Variants in TMEM266 observed in about 807,000 individuals in gnomAD.
TMEM266 encodes transmembrane protein 266.
A neutral mutation model predicts 50.5 loss-of-function variants in TMEM266; 33 were observed. That is an observed-to-expected ratio of 0.65 (90% CI 0.50 to 0.87). The LOEUF (loss-of-function observed/expected upper bound fraction) is 0.87, where lower values mean the gene tolerates loss of function less well. Among genes scored for constraint, TMEM266 ranks in the 40% least tolerant of loss-of-function variants. The pLI, the probability that TMEM266 is intolerant of heterozygous loss-of-function variation, is 0.00. For missense variants in TMEM266, 655 were observed against 695.1 expected (o/e 0.94, Z 0.65); for synonymous variants, 310 against 292.3 (o/e 1.06, Z -0.62).
chr15:76,195,985 CAGG>C lies in TMEM266; in HGVS notation c.958+3841_958+3843del, dbSNP rs77053594. Among the ~76,000 whole-genome samples, 5 of 152,178 alleles carry C rather than the reference CAGG, an allele frequency of 3.3e-5. No homozygotes were observed. The South Asian group carries it at 8.3e-4, about 25-fold the overall frequency. On this transcript the variant is annotated intron_variant, in intron 9 of 10. Coordinates refer to ENST00000388942, the MANE Select transcript of TMEM266 (RefSeq NM_152335.3). ...TGCAGCCCCCATAGTGGGCAACTTC[CAGG>C]AGGAGGAGGAGGGAGGCAGGGGCAG...
intron 7 of TMEM266, among the ~76,000 whole-genome samples, chr15:76,171,399 TG>T (rs1300464543): frequency 6.6e-6 from 1 of 152,172 alleles, no homozygotes; most frequent in Non-Finnish European, 1.5e-5. Flanking sequence ...ACTGTGAGCC[TG>T]GGGGGGCCAG....
intron 1 of TMEM266, among the ~76,000 whole-genome samples, chr15:76,090,092 T>C (rs2036828633): frequency 1.3e-5 from 2 of 152,184 alleles, no homozygotes; most frequent in Non-Finnish European, 2.9e-5. Flanking sequence ...CATCAGATAG[T>C]TGGTGGCTGA....
intron 1 of TMEM266, among the ~76,000 whole-genome samples, chr15:76,087,103 T>G (rs532801244): frequency 6.6e-6 from 1 of 152,306 alleles, no homozygotes; most frequent in South Asian, 2.1e-4. Context: ...GTGGTTCTTT[T>G]CAAATTCATC....
At chr15:76,072,267 C>T (rs750407759) in intron 1 of TMEM266, among the ~76,000 whole-genome samples, 1 of 151,664 alleles carries the variant, frequency 6.6e-6, no homozygotes, top group Non-Finnish European at 1.5e-5. Context: ...GGAAAAACCC[C>T]GTCTCTACTA....
intron 1 of TMEM266, among the ~76,000 whole-genome samples, chr15:76,102,603 C>T (rs997375605): frequency 2.6e-5 from 4 of 151,996 alleles, no homozygotes; most frequent in African/African-American, 9.7e-5. Context: ...CTTTGGGAAG[C>T]CAAGGTGGGT....
chr15:76,156,778 CATATGCCAATACATATGATGTCA>C lies in TMEM266; in HGVS notation c.382+25_382+47del. On this transcript the variant is annotated intron_variant, in intron 4 of 10. Transcript: ENST00000388942. ...TCCAGTGTGAGTAGCAAGAGAGATA[CATATGCCAATACATATGATGTCA>C]ATATTCAATGTGCATCTGCATTCAT... 6.2e-7 allele frequency: 1 copy of C among 1,609,700 alleles called. No homozygotes were observed. The highest frequency in any genetic ancestry group is 1.1e-5 in the South Asian group (1 of 90,982).
rs2038012191 is a variant in TMEM266 at position 76,161,124 on chromosome 15, C to T, written c.456+956C>T. Reference sequence around the variant, plus strand: ...AGGACTGGCCCAAGTCAGCGGGCCACTGTGTCACTCTACCCTTGAGTGTCC... The same window carrying T: ...AGGACTGGCCCAAGTCAGCGGGCCATTGTGTCACTCTACCCTTGAGTGTCC... On this transcript the variant is annotated intron_variant, in intron 5 of 10. Coordinates refer to ENST00000388942, the MANE Select transcript of TMEM266 (RefSeq NM_152335.3). The surrounding 1 kb of genome is among the most constrained non-coding windows in gnomAD (Gnocchi z 4.1). 6.6e-6 allele frequency among the ~76,000 whole-genome samples: 1 copy of T among 152,190 alleles called. No homozygotes were observed. Among genetic ancestry groups the T allele is most frequent in the African/African-American group, 2.4e-5 (1 of 41,440 alleles).
At chr15:76,073,312 A>C (rs2036563816) in intron 1 of TMEM266, among the ~76,000 whole-genome samples, 1 of 150,800 alleles carries the variant, frequency 6.6e-6, no homozygotes, top group Admixed American at 6.6e-5. Flanking sequence ...GGCTCACTGC[A>C]ACCTCTGCCT....
In TMEM266 at chr15:76,160,010, A is replaced by G; in HGVS notation, c.383-85A>G. ...ATGCAGGCGGGCCCCGGGGTCCCAGAGGTCTGGACGGATGCTGCGAAGCCC... is the reference window on the plus strand; with the variant it reads ...ATGCAGGCGGGCCCCGGGGTCCCAGGGGTCTGGACGGATGCTGCGAAGCCC... On this transcript the variant is annotated intron_variant, in intron 4 of 10. Transcript: ENST00000388942. This position sits in a 1 kb window ranked among gnomAD's most constrained non-coding sequence, Gnocchi z 5.7. 1.5e-6 allele frequency: 2 copies of G among 1,335,298 alleles called. No homozygotes were observed. Among genetic ancestry groups the G allele is most frequent in the Non-Finnish European group, 2.1e-6 (2 of 940,668 alleles). 82.7% of individuals were successfully genotyped at this position (1,335,298 alleles called of 1,614,324 possible).
At chr15:76,131,713 GC>G (rs1034017344) in intron 1 of TMEM266, among the ~76,000 whole-genome samples, 1 of 152,204 alleles carries the variant, frequency 6.6e-6, no homozygotes, top group African/African-American at 2.4e-5. Context: ...GGAAGGTGAA[GC>G]CCTTGGTAAG....
chr15:76,204,589 G>C lies in TMEM266; in HGVS notation c.*274G>C, dbSNP rs1469224732. Reference sequence around the variant, plus strand: ...CCATTTTTACAAAAACCAGCCTGTGGCCCAGCTTCAGCAGGGTAGAGTGTG... The same window carrying C: ...CCATTTTTACAAAAACCAGCCTGTGCCCCAGCTTCAGCAGGGTAGAGTGTG... On this transcript the variant is annotated 3_prime_UTR_variant, in exon 11 of 11. Transcript: ENST00000388942. 3.4e-5 allele frequency: 10 copies of C among 295,612 alleles called. No homozygotes were observed. Among genetic ancestry groups the C allele is most frequent in the Non-Finnish European group, 6.3e-5 (10 of 158,408 alleles). The allele number at this position is 295,612 out of a possible 1,614,324, so 18.3% of individuals were successfully genotyped here.
intron 7 of TMEM266, chr15:76,175,263 T>TTAA: frequency 3.5e-6 from 1 of 287,752 alleles, no homozygotes; most frequent in South Asian, 3.8e-5. Flanking sequence ...TGGCCACCCA[T>TTAA]AGCTGCAAAG....
intron 8 of TMEM266, among the ~76,000 whole-genome samples, chr15:76,179,235 T>C (rs1012370730): frequency 6.6e-6 from 1 of 152,210 alleles, no homozygotes; most frequent in Non-Finnish European, 1.5e-5. Flanking sequence ...GGGACATCTA[T>C]GGGCCTTGGT....
chr15:76,114,037 C>T (rs908035819), intron 1 of TMEM266: 4 of 152,240 alleles, frequency 2.6e-5, no homozygotes, highest in African/African-American at 9.6e-5. Context: ...TCTGCGTCTG[C>T]ACTCCCACGG....
intron 1 of TMEM266, among the ~76,000 whole-genome samples, chr15:76,089,329 T>A (rs1420897517): frequency 3.3e-5 from 5 of 151,718 alleles, no homozygotes; most frequent in African/African-American, 1.2e-4. Flanking sequence ...AGTAGCTGGA[T>A]CTACAGGCGC....
chr15:76,103,907 T>C (rs1165979041), intron 1 of TMEM266, among the ~76,000 whole-genome samples: 1 of 102,518 alleles, frequency 9.8e-6, no homozygotes, highest in Non-Finnish European at 2.1e-5. Flanking sequence ...CGAGACTCCA[T>C]CTCAAAAAAA....
chr15:76,191,992 C>CACCTGGCGCAGCAGGACCTGG lies in TMEM266; in HGVS notation c.801_821dup (p.Gln268_Ala274dup), dbSNP rs1202925111. On this transcript the variant is annotated inframe_insertion, in exon 9 of 11. Coordinates refer to ENST00000388942, the MANE Select transcript of TMEM266 (RefSeq NM_152335.3). ...GTTTGAGATCCGGCAGCTGCGCGCG[C>CACCTGGCGCAGCAGGACCTGG]ACCTGGCGCAGCAGGACCTGGACCT... The CACCTGGCGCAGCAGGACCTGG allele has an allele frequency of 4.4e-6, 7 of 1,583,930 alleles. No individual in the cohort carries two copies. Among genetic ancestry groups the CACCTGGCGCAGCAGGACCTGG allele is most frequent in the Non-Finnish European group, 6.0e-6 (7 of 1,169,822 alleles).
chr15:76,128,170 C>T (rs113151539), intron 1 of TMEM266, among the ~76,000 whole-genome samples: 1,860 of 152,278 alleles, frequency 0.012, 39 homozygotes, highest in African/African-American at 0.043. Context: ...CAGAGTAAAA[C>T]CAGGCATGGG....
chr15:76,134,107 T>G, intron 1 of TMEM266, 61 bp from the exon 2 acceptor site: 12 of 655,890 alleles, frequency 1.8e-5, no homozygotes, highest in Non-Finnish European at 2.6e-5. Context: ...CATTTTTAGA[T>G]GAGCTTAGGA....
Sources: gnomAD v4.1 joint callset for allele counts (sites outside exome capture counted in the v4.1 genomes callset) on GRCh38, gnomAD v4.1.1 for gene constraint, Gnocchi (gnomAD v3.1) non-coding constraint, MANE v1.5 for transcripts, NCBI Gene and HGNC (gene_info 2026-07-23, HGNC 2026-07-21) for gene names.